MMP26: variants seen among roughly 807,000 people sequenced by gnomAD.
MMP26 encodes the protein matrix metallopeptidase 26, also known as matrix metalloproteinase-26.
MMP26 carries 33 observed loss-of-function variants against 31.0 expected under a neutral mutation model. The ratio of observed to expected loss-of-function variants is 1.06; its 90% CI spans 0.81 to 1.42. The LOEUF is 1.42. Among genes scored for constraint, MMP26 ranks in the 40% most tolerant of loss-of-function variants. The pLI, the probability that MMP26 is intolerant of heterozygous loss-of-function variation, is 0.00. For synonymous variants in MMP26, 122 were observed against 114.9 expected, an observed-to-expected ratio of 1.06 and a Z score of -0.40; for missense variants, 347 against 316.1, an observed-to-expected ratio of 1.10 and a Z score of -0.74.
At chr11:4,833,910 A>C (rs905116219) in intron 2 of MMP26, among the ~76,000 whole-genome samples, 5 of 152,174 alleles carry the variant, frequency 3.3e-5, no homozygotes, top group Admixed American at 3.3e-4. Flanking sequence ...CTCACTAACT[A>C]TACTGTAAAT....
chr11:4,990,505 A>G (rs1846981405), intron 4 of MMP26, 93 bp from the exon 5 acceptor site: 1 of 1,253,274 alleles, frequency 8.0e-7, no homozygotes, highest in Non-Finnish European at 1.1e-6. Flanking sequence ...TAAAACTATT[A>G]AATGATTCTC....
At chr11:4,880,345 A>T (rs922087156) in intron 2 of MMP26, among the ~76,000 whole-genome samples, 1 of 151,976 alleles carries the variant, frequency 6.6e-6, no homozygotes, top group Admixed American at 6.6e-5. Context: ...GGAGTTTTTT[A>T]AAAATGAGGG....
chr11:4,908,023 G>T, intron 2 of MMP26: 1 of 1,614,112 alleles, frequency 6.2e-7, no homozygotes, highest in South Asian at 1.1e-5. Context: ...TGTCTTATGT[G>T]CTGATCTTGA....
chr11:4,750,275 T>C (rs754987564), intron 1 of MMP26, among the ~76,000 whole-genome samples: 5 of 151,920 alleles, frequency 3.3e-5, no homozygotes, highest in Non-Finnish European at 7.4e-5. Flanking sequence ...AAATAACAGA[T>C]GTTTGTGAGG....
intron 2 of MMP26, among the ~76,000 whole-genome samples, chr11:4,807,040 G>A (rs771331690): frequency 3.3e-5 from 5 of 152,014 alleles, no homozygotes; most frequent in South Asian, 4.2e-4. Flanking sequence ...GCCAAATCCC[G>A]GAACTTAAAG....
chr11:4,866,470 G>C, intron 2 of MMP26, among the ~76,000 whole-genome samples: 1 of 152,102 alleles, frequency 6.6e-6, no homozygotes, highest in East Asian at 1.9e-4. Context: ...AATGCTCATG[G>C]ATAGGAAGAA....
At chr11:4,849,332 A>G (rs937973280) in intron 2 of MMP26, 3 of 914,662 alleles carry the variant, frequency 3.3e-6, no homozygotes, top group African/African-American at 3.3e-5. Context: ...TGACTCATGC[A>G]CTCACATACA....
At position 4,989,698 on chromosome 11, in the gene MMP26, C is replaced by T. The variant is rs1301179094; in HGVS notation, c.150C>T (p.Thr50=). ...FLTKKESPLL[T]QETQTQLLQQ... ...CCAAGAAGGAGTCGCCACTCCTTAC[C>T]CAGGAGACACAAACACAGCTCCTGC... The change falls in exon 4 of 8, where the codon ACC becomes ACT. Residue 50 remains threonine (T), a synonymous_variant. Transcript: ENST00000380390. The T allele has an allele frequency of 6.2e-7, 1 of 1,613,752 alleles. No individual in the cohort carries two copies. Among genetic ancestry groups the T allele is most frequent in the Non-Finnish European group, 8.5e-7 (1 of 1,179,994 alleles).
At chr11:4,804,207 C>T (rs762166303) in intron 2 of MMP26, 4 of 1,614,050 alleles carry the variant, frequency 2.5e-6, no homozygotes, top group Non-Finnish European at 2.5e-6. Context: ...TGGGCTCATG[C>T]AGGGTGTGGT....
At chr11:4,796,146 G>A (rs1368830) in intron 2 of MMP26, among the ~76,000 whole-genome samples, 53,260 of 152,026 alleles carry the variant, frequency 0.35, 10,044 homozygotes, top group Middle Eastern at 0.48. Flanking sequence ...GAGCCTGTCT[G>A]TTGCTCTACA....
In MMP26 at chr11:4,992,339, A is replaced by T. The variant is rs564418685; in HGVS notation, c.*97A>T. 3.3e-5 allele frequency: 41 copies of T among 1,226,516 alleles called. No individual in the cohort carries two copies. Among genetic ancestry groups the T allele is most frequent in the Middle Eastern group, 5.4e-4 (2 of 3,710 alleles). 76.0% of individuals were successfully genotyped at this position (1,226,516 alleles called of 1,614,324 possible). ...TAGAGCAGCCTTGGGGACTGCTAGGATGAAGCCCTAAAGAATGCAACCTAG... is the reference window on the plus strand; with the variant it reads ...TAGAGCAGCCTTGGGGACTGCTAGGTTGAAGCCCTAAAGAATGCAACCTAG... On this transcript the variant is annotated 3_prime_UTR_variant, in exon 8 of 8. Coordinates refer to ENST00000380390, the MANE Select transcript of MMP26 (RefSeq NM_021801.5).
chr11:4,720,342 G>C (rs1355282686), intron 1 of MMP26, among the ~76,000 whole-genome samples: 1 of 152,174 alleles, frequency 6.6e-6, no homozygotes, highest in Non-Finnish European at 1.5e-5. Context: ...TTAATTTTCT[G>C]TAAGGCCTCA....
chr11:4,898,506 C>T (rs55680836), intron 2 of MMP26, among the ~76,000 whole-genome samples: 4,968 of 152,156 alleles, frequency 0.033, 269 homozygotes, highest in African/African-American at 0.11. Flanking sequence ...TATTCTTTTA[C>T]TGTCCTGCAG....
chr11:4,751,132 T>A (rs1029409393), intron 1 of MMP26, among the ~76,000 whole-genome samples: 4 of 152,110 alleles, frequency 2.6e-5, no homozygotes, highest in African/African-American at 9.7e-5. Context: ...TCAAGGGAGT[T>A]ATCACTGGAA....
intron 2 of MMP26, among the ~76,000 whole-genome samples, chr11:4,827,321 T>A (rs571083656): frequency 1.3e-5 from 2 of 152,282 alleles, no homozygotes; most frequent in South Asian, 2.1e-4. Flanking sequence ...CTTGATCTTT[T>A]TTGTTATTGT....
At chr11:4,978,214 T>C (rs555328830) in intron 2 of MMP26, among the ~76,000 whole-genome samples, 5 of 152,094 alleles carry the variant, frequency 3.3e-5, no homozygotes, top group African/African-American at 9.7e-5. Context: ...CTTTCGTTTA[T>C]AAATTAATCA....
chr11:4,849,078 A>G, intron 2 of MMP26: 1 of 1,614,088 alleles, frequency 6.2e-7, no homozygotes, highest in Non-Finnish European at 8.5e-7. Context: ...TGCAGAGAGA[A>G]GGTAGACAGC....
chr11:4,986,956 T>TCTCTCTCTCTCTCTCTCTCTCTCTCC (rs1846908234), intron 2 of MMP26, among the ~76,000 whole-genome samples: 1 of 140,258 alleles, frequency 7.1e-6, no homozygotes, highest in African/African-American at 2.8e-5. Flanking sequence ...TCTCTCTCTC[T>TCTCTCTCTCTCTCTCTCTCTCTCTCC]CTCCCTCTCT....
At chr11:4,916,849 ACCATCAAC>A (rs1276227062) in intron 2 of MMP26, among the ~76,000 whole-genome samples, 1 of 152,208 alleles carries the variant, frequency 6.6e-6, no homozygotes, top group Non-Finnish European at 1.5e-5. Flanking sequence ...AGGCTAAAGC[ACCATCAAC>A]CATGGCCACA....
Sources: allele counts gnomAD v4.1 joint callset (sites outside exome capture counted in the v4.1 genomes callset), GRCh38; gene constraint gnomAD v4.1.1; transcripts MANE v1.5; gene names NCBI Gene and HGNC (gene_info 2026-07-23, HGNC 2026-07-21).